Variants in RALGAPA1 observed in about 807,000 individuals in gnomAD.
The protein encoded by RALGAPA1 is ral GTPase-activating protein subunit alpha-1.
Under a neutral mutation model 269.6 loss-of-function variants are expected in RALGAPA1, and 52 were observed. The ratio of observed to expected loss-of-function variants is 0.19; its 90% CI spans 0.15 to 0.24. The LOEUF (loss-of-function observed/expected upper bound fraction) is 0.24. RALGAPA1 is among the 10% of genes least tolerant of loss of function. RALGAPA1 has a pLI of 1.00. For synonymous variants in RALGAPA1, 817 were observed against 1,008.3 expected (o/e 0.81, Z 3.60); for missense variants, 1,917 against 3,013.9 (o/e 0.64, Z 8.52).
intron 39 of RALGAPA1, among the ~76,000 whole-genome samples, chr14:35,569,825 T>G (rs1168642079): frequency 6.6e-6 from 1 of 152,172 alleles, no homozygotes; most frequent in Non-Finnish European, 1.5e-5. Context: ...ATATCTCTAT[T>G]AACAACATGT....
chr14:35,766,090 A>C, intron 4 of RALGAPA1: 1 of 1,151,594 alleles, frequency 8.7e-7, no homozygotes, highest in Non-Finnish European at 1.3e-6. Flanking sequence ...TTCACATGCT[A>C]TGCGGCTTTA....
chr14:35,629,288 T>G (rs1403706681), intron 33 of RALGAPA1, among the ~76,000 whole-genome samples: 1 of 150,994 alleles, frequency 6.6e-6, no homozygotes, highest in African/African-American at 2.4e-5. Flanking sequence ...AGGGGGTGTG[T>G]GTGTGTGTGT....
chr14:35,728,656 T>A, intron 12 of RALGAPA1, 146 bp from the exon 13 acceptor site: 2 of 1,283,430 alleles, frequency 1.6e-6, no homozygotes, highest in Non-Finnish European at 2.0e-6. Flanking sequence ...TACCTATTTT[T>A]ATGTTTACCT....
intron 37 of RALGAPA1, among the ~76,000 whole-genome samples, chr14:35,592,999 C>T (rs1324881131): frequency 1.3e-5 from 2 of 152,054 alleles, no homozygotes; most frequent in East Asian, 3.8e-4. Flanking sequence ...GAAGTACTAG[C>T]AAGAACAACC....
At chr14:35,587,197 G>C (rs544179867) in intron 37 of RALGAPA1, among the ~76,000 whole-genome samples, 15 of 152,266 alleles carry the variant, frequency 9.9e-5, no homozygotes, top group Middle Eastern at 3.4e-3. Context: ...TTGGGAGGGT[G>C]TATGTGTCCA....
At chr14:35,767,653 A>C (rs2074260008) in intron 4 of RALGAPA1, among the ~76,000 whole-genome samples, 1 of 152,170 alleles carries the variant, frequency 6.6e-6, no homozygotes, top group African/African-American at 2.4e-5. Flanking sequence ...GCGTCACTGC[A>C]CTCCAGTCTG....
In RALGAPA1 at chr14:35,725,019, A is replaced by G; in HGVS notation, c.1866+5T>C. On this transcript the variant is annotated splice_donor_5th_base_variant and intron_variant, in intron 14 of 41. Coordinates refer to ENST00000680220, the MANE Select transcript of RALGAPA1 (RefSeq NM_001346249.2). ...GCTATTCATCTATTTATTTATTTTT[A>G]TTGCCTGGAAAAGTGGTCCTGCAAG... 6.3e-7 allele frequency: 1 copy of G among 1,586,842 alleles called. No individual in the cohort carries two copies. Among genetic ancestry groups the G allele is most frequent in the Non-Finnish European group, 8.6e-7 (1 of 1,168,640 alleles).
At chr14:35,685,279 A>G in intron 19 of RALGAPA1, 134 bp from the exon 20 acceptor site, 1 of 772,312 alleles carries the variant, frequency 1.3e-6, no homozygotes, top group South Asian at 1.9e-5. Context: ...GAACACACTC[A>G]CCAAACAATC....
intron 21 of RALGAPA1, among the ~76,000 whole-genome samples, chr14:35,681,642 G>A (rs569787487): frequency 3.3e-5 from 5 of 152,222 alleles, no homozygotes; most frequent in Admixed American, 2.6e-4. Flanking sequence ...TTGTTTTACA[G>A]AACATAAAGC....
chr14:35,608,905 A>G (rs1443925271), intron 35 of RALGAPA1, among the ~76,000 whole-genome samples: 2 of 152,218 alleles, frequency 1.3e-5, no homozygotes, highest in African/African-American at 4.8e-5. Flanking sequence ...TCTCAAGCAT[A>G]TGTGAAACAA....
chr14:35,785,894 T>A (rs2075759892), intron 1 of RALGAPA1, among the ~76,000 whole-genome samples: 2 of 152,160 alleles, frequency 1.3e-5, no homozygotes, highest in African/African-American at 4.8e-5. Context: ...GAAGAAGGAA[T>A]GGGCCAGGCA....
intron 36 of RALGAPA1, among the ~76,000 whole-genome samples, chr14:35,604,041 T>C (rs948860770): frequency 6.6e-6 from 1 of 152,170 alleles, no homozygotes; most frequent in African/African-American, 2.4e-5. Context: ...TTTGAAGTGA[T>C]GGGTATCCTA....
At chr14:35,700,027 T>C in intron 17 of RALGAPA1, 135 bp downstream of exon 17, 1 of 722,890 alleles carries the variant, frequency 1.4e-6, no homozygotes, top group South Asian at 2.4e-5. Context: ...TGTTGATTTC[T>C]CAATCACTTT....
chr14:35,680,372 T>C (rs182816593), intron 21 of RALGAPA1, among the ~76,000 whole-genome samples: 1 of 151,832 alleles, frequency 6.6e-6, no homozygotes, highest in African/African-American at 2.4e-5. Context: ...CATGCCTGGC[T>C]AATTTTTTGT....
chr14:35,662,652 T>C (rs1365759405), intron 27 of RALGAPA1, among the ~76,000 whole-genome samples: 2 of 152,128 alleles, frequency 1.3e-5, no homozygotes, highest in African/African-American at 2.4e-5. Flanking sequence ...GCGGATAGTA[T>C]ATAGTAGGCG....
intron 41 of RALGAPA1, 145 bp from the exon 42 acceptor site, chr14:35,539,835 A>G: frequency 8.6e-7 from 1 of 1,158,276 alleles, no homozygotes; most frequent in Non-Finnish European, 1.2e-6. Flanking sequence ...CTTGCTTGTT[A>G]CAATAGCCTA....
chr14:35,752,756 T>C (rs1433371190), intron 7 of RALGAPA1, among the ~76,000 whole-genome samples: 2 of 151,974 alleles, frequency 1.3e-5, no homozygotes, highest in Non-Finnish European at 2.9e-5. Flanking sequence ...CAGAGTGGGG[T>C]ACTGGAACCC....
chr14:35,773,399 GT>G (rs1173703963), intron 3 of RALGAPA1, among the ~76,000 whole-genome samples: 1 of 151,814 alleles, frequency 6.6e-6, no homozygotes, highest in Non-Finnish European at 1.5e-5. Flanking sequence ...TGAAAACCTG[GT>G]ATCTCAGATC....
chr14:35,573,099 G>A (rs747859929), intron 37 of RALGAPA1, among the ~76,000 whole-genome samples: 8 of 152,094 alleles, frequency 5.3e-5, no homozygotes, highest in East Asian at 1.9e-4. Context: ...ATTATGTTTC[G>A]TTTAACGAAT....
Sources: gnomAD v4.1 joint callset for allele counts (sites outside exome capture counted in the v4.1 genomes callset) on GRCh38, gnomAD v4.1.1 for gene constraint, MANE v1.5 for transcripts, NCBI Gene and HGNC (gene_info 2026-07-23, HGNC 2026-07-21) for gene names.